The following ERC2 variants were observed in gnomAD, a reference collection of about 807,000 sequenced individuals.
ERC2 encodes ERC protein 2.
A neutral mutation model predicts 114.8 loss-of-function variants in ERC2; 42 were observed. The ratio of observed to expected loss-of-function variants is 0.37; its 90% CI spans 0.29 to 0.47. ERC2 has a LOEUF of 0.47. Ranked by LOEUF, ERC2 falls within the 20% of genes least tolerant of loss-of-function variation. ERC2 has a pLI of 0.99. For synonymous variants in ERC2, 454 were observed against 425.5 expected, an observed-to-expected ratio of 1.07 and a Z score of -0.82; for missense variants, 939 against 1,150.7, an observed-to-expected ratio of 0.82 and a Z score of 2.66.
chr3:55,824,353 C>A (rs1056702436), intron 14 of ERC2, among the ~76,000 whole-genome samples: 1 of 152,174 alleles, frequency 6.6e-6, no homozygotes, highest in African/African-American at 2.4e-5. Context: ...ATCATCCAGG[C>A]CCCCATAACA....
intron 17 of ERC2, among the ~76,000 whole-genome samples, chr3:55,613,619 T>A (rs2058995314): frequency 6.6e-6 from 1 of 152,150 alleles, no homozygotes; most frequent in Non-Finnish European, 1.5e-5. Flanking sequence ...GCCTTGCTTT[T>A]CTCTTCCTCC....
chr3:56,094,200 G>T (rs576857701), intron 6 of ERC2, among the ~76,000 whole-genome samples: 1 of 152,330 alleles, frequency 6.6e-6, no homozygotes, highest in African/African-American at 2.4e-5. Context: ...GGGTAAGAAA[G>T]GTTTGAGTGT....
chr3:55,974,630 T>C (rs1238330559), intron 12 of ERC2, among the ~76,000 whole-genome samples: 2 of 152,182 alleles, frequency 1.3e-5, no homozygotes, highest in Non-Finnish European at 2.9e-5. Context: ...GGCAGAAGGA[T>C]GGATGACCGA....
At chr3:56,414,216 T>A (rs1301481986) in intron 2 of ERC2, among the ~76,000 whole-genome samples, 1 of 152,190 alleles carries the variant, frequency 6.6e-6, no homozygotes, top group East Asian at 1.9e-4. Flanking sequence ...TACTGGGAAC[T>A]TTTCTGCCTT....
At position 55,753,583 on chromosome 3, in the gene ERC2, G is replaced by A. The variant is rs150020390; in HGVS notation, c.2565-18665C>T. Among the ~76,000 whole-genome samples, 122 of 152,306 alleles carry A rather than the reference G, an allele frequency of 8.0e-4. No homozygotes were observed. The East Asian group carries it at 0.021, about 27-fold the overall frequency. ...CTGGTATGGACACACCATGTGCTAG[G>A]CACTGCTTCTATTGACTAAGCCAAA... is the stretch of plus-strand genomic sequence containing the variant. On this transcript the variant is annotated intron_variant, in intron 14 of 17. Transcript: ENST00000288221.
chr3:56,035,265 A>G (rs2074716400), intron 7 of ERC2, among the ~76,000 whole-genome samples: 1 of 152,210 alleles, frequency 6.6e-6, no homozygotes, highest in African/African-American at 2.4e-5. Context: ...ACCTACCAAG[A>G]CTAAAATATA....
At chr3:55,936,641 G>C (rs1298451678) in intron 13 of ERC2, among the ~76,000 whole-genome samples, 1 of 152,146 alleles carries the variant, frequency 6.6e-6, no homozygotes, top group African/African-American at 2.4e-5. Flanking sequence ...CTAGCTAAGG[G>C]ACCAGCTTGT....
In ERC2 at chr3:55,720,124, CTTCTTCCT is replaced by C. The variant is rs1229767866; in HGVS notation, c.2712+14639_2712+14646del. 3.4e-3 allele frequency among the ~76,000 whole-genome samples: 68 copies of C among 20,142 alleles called. 15 individuals carry two copies. The highest frequency in any genetic ancestry group is 0.016 in the African/African-American group (42 of 2,684). The allele number at this position is 20,142 out of a possible 152,430, so 13.2% of individuals were successfully genotyped here. Reference sequence around the variant, plus strand: ...CATCCCCCTCCTCCTCCTCCTCCTTCTTCTTCCTCTTCTTCTTCCTCTTCTTCTTCTTC... The same window carrying C: ...CATCCCCCTCCTCCTCCTCCTCCTTCCTTCTTCTTCCTCTTCTTCTTCTTC... On this transcript the variant is annotated intron_variant, in intron 15 of 17. Transcript: ENST00000288221.
chr3:56,333,069 T>A (rs1478125003), intron 2 of ERC2, among the ~76,000 whole-genome samples: 1 of 152,244 alleles, frequency 6.6e-6, no homozygotes, highest in East Asian at 1.9e-4. Flanking sequence ...AACACGTGGT[T>A]ACACTGGGAT....
intron 14 of ERC2, among the ~76,000 whole-genome samples, chr3:55,814,229 T>C (rs1350811724): frequency 6.6e-6 from 1 of 152,232 alleles, no homozygotes; most frequent in Non-Finnish European, 1.5e-5. Context: ...AAGATTTTGG[T>C]TCCTAGACAT....
chr3:55,959,239 T>A (rs887528090), intron 12 of ERC2, among the ~76,000 whole-genome samples: 1 of 152,226 alleles, frequency 6.6e-6, no homozygotes, highest in Non-Finnish European at 1.5e-5. Flanking sequence ...TTTATTTTCC[T>A]TGTAGATATT....
At chr3:55,971,480 A>G (rs561962430) in intron 12 of ERC2, among the ~76,000 whole-genome samples, 68 of 152,320 alleles carry the variant, frequency 4.5e-4, no homozygotes, top group Non-Finnish European at 6.8e-4. Context: ...GTTTTCTGTC[A>G]ATCTTTCTAG....
chr3:55,525,867 A>G (rs2053279086), intron 17 of ERC2, among the ~76,000 whole-genome samples: 1 of 152,190 alleles, frequency 6.6e-6, no homozygotes, highest in Admixed American at 6.5e-5. Context: ...GGGAAGAACA[A>G]TTCCTTGGGT....
chr3:55,647,200 A>G (rs182960219), intron 17 of ERC2: 3 of 152,322 alleles, frequency 2.0e-5, no homozygotes, highest in Admixed American at 6.5e-5. Flanking sequence ...CGTTTCCTGC[A>G]CTACAATCCC....
intron 3 of ERC2, among the ~76,000 whole-genome samples, chr3:56,219,194 G>A (rs2049725858): frequency 6.6e-6 from 1 of 152,040 alleles, no homozygotes; most frequent in African/African-American, 2.4e-5. Context: ...CACTGCTTGG[G>A]TGATGGATGC....
rs62251543 is a variant in ERC2, at chr3:55,634,319, G to C, written c.*39+49475C>G. On this transcript the variant is annotated intron_variant, in intron 17 of 17. Transcript: ENST00000288221. ...TGCACAGACTGCCTTGAAGCTACTT[G>C]GGATGTATGTAAACCATACATTCAT... is the stretch of plus-strand genomic sequence containing the variant. Among the ~76,000 whole-genome samples the C allele has an allele frequency of 3.3e-5, 5 of 152,256 alleles. No homozygotes were observed. The East Asian group carries it at 9.6e-4, about 29-fold the overall frequency.
At position 55,568,743 on chromosome 3, in the gene ERC2, C is replaced by G. The variant is rs187527265; in HGVS notation, c.*40-57467G>C. Among the ~76,000 whole-genome samples the G allele has an allele frequency of 7.2e-5, 11 of 152,296 alleles. No individual in the cohort carries two copies. In the East Asian group the frequency reaches 1.9e-3, roughly 27 times the overall value. On this transcript the variant is annotated intron_variant, in intron 17 of 17. Transcript: ENST00000288221. ...CCAGAGAAATCCCATTCAGATGAAG[C>G]CAGCTCAGGACCAACATCTGCCACC... is the stretch of plus-strand genomic sequence containing the variant.
At chr3:55,780,658 A>T (rs539216224) in intron 14 of ERC2, among the ~76,000 whole-genome samples, 2 of 152,312 alleles carry the variant, frequency 1.3e-5, no homozygotes, top group South Asian at 4.1e-4. Flanking sequence ...GGAAATGAGC[A>T]TTTTACAAGT....
intron 13 of ERC2, among the ~76,000 whole-genome samples, chr3:55,889,940 A>C (rs2063528234): frequency 1.3e-5 from 2 of 152,258 alleles, no homozygotes; most frequent in East Asian, 1.9e-4. Flanking sequence ...TTTAAGATTC[A>C]GAAAACCCTT....
Sources: allele counts gnomAD v4.1 joint callset (sites outside exome capture counted in the v4.1 genomes callset), GRCh38; gene constraint gnomAD v4.1.1; transcripts MANE v1.5; gene names NCBI Gene and HGNC (gene_info 2026-07-23, HGNC 2026-07-21).